Variants in TNS1 observed in about 807,000 individuals in gnomAD.
TNS1 encodes tensin 1, also known as tensin-1.
In TNS1, 62 loss-of-function variants were observed where a neutral mutation model predicts 168.6. That is an observed-to-expected ratio of 0.37 (90% CI 0.30 to 0.45). The LOEUF is 0.45. TNS1 is among the 20% of genes least tolerant of loss of function. The pLI, the probability that TNS1 is intolerant of heterozygous loss-of-function variation, is 1.00. For synonymous variants in TNS1, 934 were observed against 933.2 expected, an observed-to-expected ratio of 1.00 and a Z score of -0.02; for missense variants, 2,240 against 2,339.4, an observed-to-expected ratio of 0.96 and a Z score of 0.88.
intron 22 of TNS1, among the ~76,000 whole-genome samples, chr2:217,827,262 G>A (rs576263030): frequency 7.9e-5 from 12 of 152,260 alleles, no homozygotes; most frequent in African/African-American, 2.9e-4. Flanking sequence ...AAAGTGTTTC[G>A]CACAGCGCCT....
intron 7 of TNS1, among the ~76,000 whole-genome samples, chr2:217,899,904 G>C (rs577663642): frequency 2.2e-4 from 34 of 152,318 alleles, no homozygotes; most frequent in African/African-American, 7.9e-4. Context: ...GAGCCTCAGT[G>C]GGTGAAGGTG....
At chr2:217,805,512 C>T (rs1938520238) in intron 32 of TNS1, among the ~76,000 whole-genome samples, 14 of 61,678 alleles carry the variant, frequency 2.3e-4, no homozygotes, top group Admixed American at 6.6e-4. Context: ...CACCACCACA[C>T]ACACCACACA....
intron 3 of TNS1, among the ~76,000 whole-genome samples, chr2:217,973,433 G>A (rs905806650): frequency 1.3e-5 from 2 of 151,334 alleles, no homozygotes; most frequent in Non-Finnish European, 2.9e-5. Context: ...ATCCTCAACA[G>A]GAGAGAAACA....
At chr2:217,883,943 C>T (rs1290588608) in intron 16 of TNS1, among the ~76,000 whole-genome samples, 2 of 152,182 alleles carry the variant, frequency 1.3e-5, no homozygotes, top group African/African-American at 4.8e-5. Context: ...GCATCTGCTC[C>T]ATGGGACACC....
chr2:217,855,994 A>G (rs1038821033), intron 18 of TNS1, among the ~76,000 whole-genome samples: 1 of 152,210 alleles, frequency 6.6e-6, no homozygotes, highest in African/African-American at 2.4e-5. Context: ...CCCAGTGGAC[A>G]TTAACTTCCC....
Position 217,813,052 on chromosome 2 carries a change from T to C in TNS1, c.4954+163A>G, listed in dbSNP as rs1311814690. ...AGTTTGGCAGAGTTAGGAGCCGCAC[T>C]GCGGAGGGAGAGAAGCTTTCATTCA... is the stretch of plus-strand genomic sequence containing the variant. On this transcript the variant is annotated intron_variant, in intron 27 of 32. Coordinates refer to ENST00000682258, the MANE Select transcript of TNS1 (RefSeq NM_001387777.1). This position sits in a 1 kb window ranked among gnomAD's most constrained non-coding sequence, Gnocchi z 4.0. 6.6e-6 allele frequency among the ~76,000 whole-genome samples: 1 copy of C among 152,220 alleles called. No homozygotes were observed. Among genetic ancestry groups the C allele is most frequent in the Non-Finnish European group, 1.5e-5 (1 of 68,036 alleles).
At chr2:217,944,591 T>C (rs1429143005) in intron 3 of TNS1, among the ~76,000 whole-genome samples, 1 of 152,248 alleles carries the variant, frequency 6.6e-6, no homozygotes, top group African/African-American at 2.4e-5. Flanking sequence ...ACCTGCTTTT[T>C]TCTTAGCTGT....
chr2:217,858,709 C>CCCA, intron 18 of TNS1: 5 of 184,876 alleles, frequency 2.7e-5, no homozygotes, highest in East Asian at 1.9e-4. Flanking sequence ...CACCCCACTC[C>CCCA]CTCCCTCCCT....
chr2:217,963,772 A>G (rs1015812592), intron 3 of TNS1, among the ~76,000 whole-genome samples: 6 of 150,128 alleles, frequency 4.0e-5, no homozygotes, highest in African/African-American at 1.5e-4. Context: ...GGCCAGGCTC[A>G]GTGACTCACA....
chr2:217,855,648 A>C (rs1330619962), intron 18 of TNS1, among the ~76,000 whole-genome samples: 3 of 152,066 alleles, frequency 2.0e-5, no homozygotes, highest in African/African-American at 7.2e-5. Context: ...ATGCCTCTTG[A>C]AGTTCAATAT....
chr2:217,920,111 A>G, intron 4 of TNS1, 84 bp downstream of exon 4: 1 of 702,306 alleles, frequency 1.4e-6, no homozygotes, highest in Non-Finnish European at 2.6e-6. Flanking sequence ...TTACCAACAT[A>G]TTTGGGTCTA....
At position 217,801,694 on chromosome 2, in the gene TNS1, TTG is replaced by T. The variant is rs1937508174; in HGVS notation, c.*2763_*2764del. On this transcript the variant is annotated 3_prime_UTR_variant, in exon 33 of 33. Coordinates refer to ENST00000682258, the MANE Select transcript of TNS1 (RefSeq NM_001387777.1). ...CAAGAATATACTGCAGTGCGGAGTG[TTG>T]TGTGTGCGTAGGTGTGTGCATGGGT... 1 of 152,270 alleles carries T rather than the reference TTG, an allele frequency of 6.6e-6. No homozygotes were observed. The highest frequency in any genetic ancestry group is 2.1e-4 in the South Asian group (1 of 4,834). 9.4% of individuals were successfully genotyped at this position (152,270 alleles called of 1,614,324 possible).
rs1369971351 is a variant in TNS1 at position 218,002,847 on chromosome 2, A to T, written c.26T>A (p.Met9Lys). MTWICLSC[M>K]LWPEDLEAPK... ...TAAAGCAGCCAGACCTACCCAGAGC[A>T]TGCAGGACAGACAGATCCACGTCAT... Residue 9 changes from methionine to lysine, a missense_variant, in exon 1 of 33, where the codon ATG becomes AAG. Transcript: ENST00000682258. The T allele has an allele frequency of 2.2e-6, 1 of 456,822 alleles. No individual in the cohort carries two copies. Among genetic ancestry groups the T allele is most frequent in the East Asian group, 6.9e-5 (1 of 14,400 alleles). 28.3% of individuals were successfully genotyped at this position (456,822 alleles called of 1,614,324 possible).
chr2:217,859,367 C>G (rs922240288), intron 18 of TNS1: 7 of 424,896 alleles, frequency 1.6e-5, no homozygotes, highest in African/African-American at 6.0e-5. Context: ...TCTCTCTCCC[C>G]CTTTCCCCTC....
intron 3 of TNS1, among the ~76,000 whole-genome samples, chr2:217,940,971 C>T (rs1011433005): frequency 6.6e-6 from 1 of 152,176 alleles, no homozygotes; most frequent in African/African-American, 2.4e-5. Flanking sequence ...GCTCCTCCCC[C>T]ACTCACCCTC....
In TNS1 at chr2:217,984,780, G is replaced by A. The variant is rs147354432; in HGVS notation, c.149-5978C>T. Among the ~76,000 whole-genome samples, 616 of 145,962 alleles carry A rather than the reference G, an allele frequency of 4.2e-3. 6 individuals are homozygous for A. The highest frequency in any genetic ancestry group is 0.015 in the African/African-American group (566 of 38,626). On this transcript the variant is annotated intron_variant, in intron 2 of 32. Transcript: ENST00000682258. ...TTTTTTTTTTTTTCCCCCCAAGACA[G>A]AGTCTTGCTCTGTCACCCAGGCTGG...
intron 3 of TNS1, among the ~76,000 whole-genome samples, chr2:217,956,028 G>GC (rs202053784): frequency 1.3e-5 from 2 of 151,974 alleles, no homozygotes; most frequent in East Asian, 1.9e-4. Context: ...GAGGACATGA[G>GC]CCCCCCCACC....
chr2:217,888,336 C>T (rs1951411913), intron 12 of TNS1, among the ~76,000 whole-genome samples: 1 of 152,138 alleles, frequency 6.6e-6, no homozygotes. Flanking sequence ...GTGACACTGA[C>T]AAGAAGGCAG....
At chr2:217,938,705 G>C (rs1004205008) in intron 3 of TNS1, among the ~76,000 whole-genome samples, 5 of 152,222 alleles carry the variant, frequency 3.3e-5, no homozygotes, top group African/African-American at 7.2e-5. Context: ...TCTCATCAAG[G>C]CATGGGATGG....
Sources: allele counts gnomAD v4.1 joint callset (sites outside exome capture counted in the v4.1 genomes callset), GRCh38; gene constraint gnomAD v4.1.1; non-coding constraint Gnocchi (gnomAD v3.1); transcripts MANE v1.5; gene names NCBI Gene and HGNC (gene_info 2026-07-23, HGNC 2026-07-21).